PTPRD: variants seen among roughly 807,000 people sequenced by gnomAD.
PTPRD encodes protein tyrosine phosphatase receptor type D, also known as receptor-type tyrosine-protein phosphatase delta.
A neutral mutation model predicts 214.5 loss-of-function variants in PTPRD; 34 were observed. The ratio of observed to expected loss-of-function variants is 0.16; its 90% CI spans 0.12 to 0.21. The LOEUF (loss-of-function observed/expected upper bound fraction) is 0.21, where lower values mean the gene tolerates loss of function less well. Among genes scored for constraint, PTPRD ranks in the 10% least tolerant of loss-of-function variants. PTPRD has a pLI of 1.00. For missense variants in PTPRD, 2,545 were observed against 2,398.7 expected (o/e 1.06, Z -1.27); for synonymous variants, 1,128 against 845.7 (o/e 1.33, Z -5.79).
At chr9:9,320,778 T>G (rs536964295) in intron 9 of PTPRD, among the ~76,000 whole-genome samples, 85 of 152,348 alleles carry the variant, frequency 5.6e-4, no homozygotes, top group African/African-American at 2.0e-3. Flanking sequence ...CTAAGTTTTC[T>G]ACTTTTATGA....
At chr9:8,824,617 C>G (rs930124450) in intron 11 of PTPRD, among the ~76,000 whole-genome samples, 1 of 151,834 alleles carries the variant, frequency 6.6e-6, no homozygotes, top group Non-Finnish European at 1.5e-5. Context: ...TTTAAGTAAA[C>G]TAAATTAGAA....
intron 5 of PTPRD, among the ~76,000 whole-genome samples, chr9:9,916,198 C>T (rs2080751657): frequency 6.6e-6 from 1 of 151,738 alleles, no homozygotes; most frequent in South Asian, 2.1e-4. Flanking sequence ...GAACTCATTA[C>T]TACTAGCCAG....
chr9:10,455,804 A>G lies in PTPRD; in HGVS notation c.-599-114787T>C, dbSNP rs2098910733. 4.6e-5 allele frequency among the ~76,000 whole-genome samples: 7 copies of G among 151,824 alleles called. No homozygotes were observed. The South Asian group carries it at 1.4e-3, about 31-fold the overall frequency. On this transcript the variant is annotated intron_variant, in intron 2 of 45. Coordinates refer to ENST00000381196, the MANE Select transcript of PTPRD (RefSeq NM_002839.4). ...TTCATCATTTATTTATAAGGAAAAA[A>G]CTATTACTCCTACTGAATGTGATTA...
chr9:9,471,065 C>CTGA (rs1308693303), intron 8 of PTPRD, among the ~76,000 whole-genome samples: 3 of 152,178 alleles, frequency 2.0e-5, no homozygotes, highest in African/African-American at 7.2e-5. Context: ...TCTAACAGAA[C>CTGA]TGATAAATCT....
intron 8 of PTPRD, among the ~76,000 whole-genome samples, chr9:9,441,890 T>C (rs758849074): frequency 1.3e-5 from 2 of 152,228 alleles, no homozygotes; most frequent in African/African-American, 4.8e-5. Context: ...CTATGTGATA[T>C]GGTATTTGAG....
chr9:8,632,895 A>G (rs1416774669), intron 14 of PTPRD, among the ~76,000 whole-genome samples: 1 of 151,976 alleles, frequency 6.6e-6, no homozygotes, highest in Non-Finnish European at 1.5e-5. Flanking sequence ...AGGAAAGTTC[A>G]TCTTTAGGCT....
Position 8,504,312 on chromosome 9 carries a change from G to A in PTPRD, c.1771C>T (p.Gln591Ter), listed in dbSNP as rs1189856782. 1 of 1,614,054 alleles carries A rather than the reference G, an allele frequency of 6.2e-7. No individual in the cohort carries two copies. The highest frequency in any genetic ancestry group is 8.5e-7 in the Non-Finnish European group (1 of 1,180,000). Residue 591 changes from glutamine (Q) to a stop codon, truncating the protein, a stop_gained, in exon 23 of 46, where the codon CAA becomes TAA. Coordinates refer to ENST00000381196, the MANE Select transcript of PTPRD (RefSeq NM_002839.4). LOFTEE classifies it high-confidence loss of function. ...YYFRLAARSP[Q>*]GLGASTAEIS... ...TCTGCAGTAGAAGCACCCAGGCCTT[G>A]AGGGGAGCGTGCAGCCAGACGGAAA...
chr9:8,700,299 G>A (rs569194513), intron 12 of PTPRD, among the ~76,000 whole-genome samples: 58 of 152,226 alleles, frequency 3.8e-4, no homozygotes, highest in Admixed American at 8.5e-4. Flanking sequence ...TAAAACCCTC[G>A]AATTCCACTA....
intron 3 of PTPRD, among the ~76,000 whole-genome samples, chr9:10,261,363 G>A (rs567229653): frequency 2.0e-5 from 3 of 152,104 alleles, no homozygotes; most frequent in Non-Finnish European, 4.4e-5. Context: ...GACTGGCATT[G>A]CTAATGTTAT....
Position 9,323,338 on chromosome 9 carries a change from A to G in PTPRD, c.-203+74111T>C, listed in dbSNP as rs568976443. Among the ~76,000 whole-genome samples, 9 of 152,250 alleles carry G rather than the reference A, an allele frequency of 5.9e-5. No individual in the cohort carries two copies. The South Asian group carries it at 1.2e-3, about 21-fold the overall frequency. ...TGGTTTAATCAAATCTTTTTTACTT[A>G]TCATCTAATTTTATTCTTGAACCAA... On this transcript the variant is annotated intron_variant, in intron 9 of 45. Coordinates refer to ENST00000381196, the MANE Select transcript of PTPRD (RefSeq NM_002839.4).
rs2096988862 is a variant in PTPRD at position 8,485,768 on chromosome 9, C to T, written c.3049G>A (p.Asp1017Asn). ...GTAAGCAGACAAATCCTACCTTGAT[C>T]CACAGGCAGTGTCCTGAACTGGACA... ...PSVQFRTLPV[D>N]QVFAKNFHVK... Residue 1017 changes from aspartate (D) to asparagine (N), a missense_variant, in exon 28 of 46, where the codon GAT (aspartate) becomes AAT (asparagine). Asp to Asn is a conservative substitution (Grantham distance 23, BLOSUM62 1). Coordinates refer to ENST00000381196, the MANE Select transcript of PTPRD (RefSeq NM_002839.4). 6.2e-7 allele frequency: 1 copy of T among 1,609,962 alleles called. No homozygotes were observed. Among genetic ancestry groups the T allele is most frequent in the Non-Finnish European group, 8.5e-7 (1 of 1,178,170 alleles).
rs868863548 is a variant in PTPRD, at chr9:9,448,232, T to C, written c.-236-50750A>G. Among the ~76,000 whole-genome samples the C allele has an allele frequency of 3.9e-5, 6 of 152,070 alleles. No individual in the cohort carries two copies. In the South Asian group the frequency reaches 8.3e-4, roughly 21 times the overall value. On this transcript the variant is annotated intron_variant, in intron 8 of 45. Coordinates refer to ENST00000381196, the MANE Select transcript of PTPRD (RefSeq NM_002839.4). ...ATACACTTAGTCAAAAAGCACTTAA[T>C]GAACACTCTGATACGGTTTGGCTAT...
chr9:10,138,472 G>C lies in PTPRD; in HGVS notation c.-544-104682C>G, dbSNP rs182828298. 9.2e-4 allele frequency among the ~76,000 whole-genome samples: 140 copies of C among 152,102 alleles called. 1 individual carries two copies. Among genetic ancestry groups the C allele is most frequent in the Admixed American group, 2.0e-3 (30 of 15,240 alleles). Reference sequence around the variant, plus strand: ...AAGTCCAGGACCAGATGGATTCACAGCCAAATTCTAACAGATGTACATAGA... The same window carrying C: ...AAGTCCAGGACCAGATGGATTCACACCCAAATTCTAACAGATGTACATAGA... On this transcript the variant is annotated intron_variant, in intron 3 of 45. Coordinates refer to ENST00000381196, the MANE Select transcript of PTPRD (RefSeq NM_002839.4).
Position 10,124,132 on chromosome 9 carries a change from C to T in PTPRD, c.-544-90342G>A, listed in dbSNP as rs147131261. ...CCATTTACTCAGTTGAGGAACCTGA[C>T]GGTCTCTTTTAAAAAGAGCACAGGA... On this transcript the variant is annotated intron_variant, in intron 3 of 45. Coordinates refer to ENST00000381196, the MANE Select transcript of PTPRD (RefSeq NM_002839.4). Among the ~76,000 whole-genome samples, 670 of 152,186 alleles carry T rather than the reference C, an allele frequency of 4.4e-3. 17 individuals are homozygous for T. Among genetic ancestry groups the T allele is most frequent in the Admixed American group, 0.037 (570 of 15,264 alleles).
rs146815182 is a variant in PTPRD, at chr9:10,078,235, G to A, written c.-544-44445C>T. 9.7e-3 allele frequency among the ~76,000 whole-genome samples: 1,474 copies of A among 151,266 alleles called. 12 individuals are homozygous for A. Among genetic ancestry groups the A allele is most frequent in the Non-Finnish European group, 0.016 (1,065 of 67,820 alleles). On this transcript the variant is annotated intron_variant, in intron 3 of 45. Transcript: ENST00000381196. ...GGTTAGAAAGAACCCACCTAGGGCC[G>A]GGCACAGTGGCTTACGCATGTAATC...
At chr9:9,623,965 G>A (rs1241342875) in intron 7 of PTPRD, among the ~76,000 whole-genome samples, 1 of 152,138 alleles carries the variant, frequency 6.6e-6, no homozygotes, top group African/African-American at 2.4e-5. Context: ...AAAAGAGCGA[G>A]CTAGTTTTGT....
At chr9:9,243,927 G>A (rs2099971640) in intron 9 of PTPRD, among the ~76,000 whole-genome samples, 1 of 152,162 alleles carries the variant, frequency 6.6e-6, no homozygotes, top group Non-Finnish European at 1.5e-5. Context: ...AAGCTGACAA[G>A]CAACTTCAGC....
At chr9:8,596,442 A>G (rs1174704730) in intron 14 of PTPRD, among the ~76,000 whole-genome samples, 1 of 152,078 alleles carries the variant, frequency 6.6e-6, no homozygotes, top group Non-Finnish European at 1.5e-5. Context: ...TGTAAATTAC[A>G]TTGAGTTCAT....
chr9:9,840,490 T>C (rs2058031760), intron 5 of PTPRD, among the ~76,000 whole-genome samples: 1 of 152,082 alleles, frequency 6.6e-6, no homozygotes, highest in South Asian at 2.1e-4. Context: ...AATAATGGCA[T>C]GCCTGAGTTT....
Sources: allele counts gnomAD v4.1 joint callset (sites outside exome capture counted in the v4.1 genomes callset), GRCh38; gene constraint gnomAD v4.1.1; transcripts MANE v1.5; gene names NCBI Gene and HGNC (gene_info 2026-07-23, HGNC 2026-07-21).